The following DOCK5 variants were observed in gnomAD, a reference collection of about 807,000 sequenced individuals.
DOCK5 encodes dedicator of cytokinesis protein 5.
In DOCK5, 142 loss-of-function variants were observed where a neutral mutation model predicts 251.8. The observed-to-expected ratio is 0.56, with a 90% CI of 0.49 to 0.65. The LOEUF (loss-of-function observed/expected upper bound fraction) is 0.65. Ranked by LOEUF, DOCK5 falls within the 30% of genes least tolerant of loss-of-function variation. The pLI is 0.00. For missense variants in DOCK5, 2,111 were observed against 2,312.3 expected, an observed-to-expected ratio of 0.91 and a Z score of 1.79; for synonymous variants, 842 against 835.5, an observed-to-expected ratio of 1.01 and a Z score of -0.13.
At chr8:25,331,260 C>G (rs530107050) in intron 18 of DOCK5, among the ~76,000 whole-genome samples, 1 of 151,688 alleles carries the variant, frequency 6.6e-6, no homozygotes, top group Non-Finnish European at 1.5e-5. Flanking sequence ...CACACACACA[C>G]ACACACACAC....
chr8:25,298,801 A>G (rs1804682471), intron 7 of DOCK5, 143 bp from the exon 8 acceptor site: 1 of 932,860 alleles, frequency 1.1e-6, no homozygotes, highest in Admixed American at 3.2e-5. Context: ...CTGGGCCTCT[A>G]GTAGCACTGG....
At position 25,414,077 on chromosome 8, in the gene DOCK5, G is replaced by A. The variant is rs889673118; in HGVS notation, c.*2779G>A. Reference sequence around the variant, plus strand: ...TATCCCTAAAATTGTCACAACTTTTGTGAATACTGGTATACGGTTGGAGGT... The same window carrying A: ...TATCCCTAAAATTGTCACAACTTTTATGAATACTGGTATACGGTTGGAGGT... On this transcript the variant is annotated 3_prime_UTR_variant, in exon 52 of 52. Transcript: ENST00000276440. The A allele has an allele frequency of 2.0e-5, 3 of 152,206 alleles. No individual in the cohort carries two copies. The highest frequency in any genetic ancestry group is 7.2e-5 in the African/African-American group (3 of 41,452). 9.4% of individuals were successfully genotyped at this position (152,206 alleles called of 1,614,324 possible).
intron 1 of DOCK5, among the ~76,000 whole-genome samples, chr8:25,197,389 T>C (rs1305380012): frequency 6.6e-6 from 1 of 152,282 alleles, no homozygotes; most frequent in East Asian, 1.9e-4. Context: ...GTGGGCTTTG[T>C]CTTTCAGAAA....
intron 40 of DOCK5, among the ~76,000 whole-genome samples, chr8:25,387,924 C>T (rs1459916823): frequency 6.6e-6 from 1 of 152,224 alleles, no homozygotes; most frequent in East Asian, 1.9e-4. Context: ...CTGCATCATA[C>T]AACTAGCGTT....
At chr8:25,310,669 G>T in intron 13 of DOCK5, 137 bp downstream of exon 13, 1 of 974,180 alleles carries the variant, frequency 1.0e-6, no homozygotes, top group Non-Finnish European at 1.4e-6. Flanking sequence ...GACACAAACA[G>T]AGACACCTGC....
intron 39 of DOCK5, among the ~76,000 whole-genome samples, chr8:25,381,761 T>C (rs1801071762): frequency 6.6e-6 from 1 of 152,218 alleles, no homozygotes; most frequent in South Asian, 2.1e-4. Flanking sequence ...TGCTAACCAT[T>C]GTAGGGGAGG....
intron 22 of DOCK5, 52 bp downstream of exon 22, chr8:25,336,425 G>A: frequency 1.9e-6 from 3 of 1,598,322 alleles, no homozygotes; most frequent in Non-Finnish European, 2.6e-6. Flanking sequence ...CACTCTGTGT[G>A]CTTTTTCCCT....
At chr8:25,334,321 T>C (rs1175258909) in intron 21 of DOCK5, 125 bp downstream of exon 21, 2 of 757,386 alleles carry the variant, frequency 2.6e-6, no homozygotes, top group Non-Finnish European at 4.5e-6. Flanking sequence ...GGCAGAACTC[T>C]TATTCTAAGC....
chr8:25,228,569 C>T (rs981281546), intron 1 of DOCK5, among the ~76,000 whole-genome samples: 2 of 152,128 alleles, frequency 1.3e-5, no homozygotes, highest in Non-Finnish European at 2.9e-5. Flanking sequence ...GCAGAGTATG[C>T]AGTAATTTCT....
intron 5 of DOCK5, among the ~76,000 whole-genome samples, chr8:25,288,880 G>A (rs1461588435): frequency 6.6e-6 from 1 of 152,198 alleles, no homozygotes; most frequent in Non-Finnish European, 1.5e-5. Flanking sequence ...AGGACTGGGG[G>A]ATGAGGAAGA....
Position 25,300,601 on chromosome 8 carries a change from A to G in DOCK5, c.790A>G (p.Ser264Gly), listed in dbSNP as rs1287502817. 1 of 1,613,460 alleles carries G rather than the reference A, an allele frequency of 6.2e-7. No individual in the cohort carries two copies. The highest frequency in any genetic ancestry group is 1.7e-5 in the Admixed American group (1 of 59,940). ...TGAGAACTATCTAATTCGTTGGGGCAGTAACGGGATGCCCAAGGAAATAGA... is the reference window on the plus strand; with the variant it reads ...TGAGAACTATCTAATTCGTTGGGGCGGTAACGGGATGCCCAAGGAAATAGA... ...ISENYLIRWG[S>G]NGMPKEIEKL... is the part of the protein sequence containing the mutation. The change falls in exon 9 of 52, where the codon AGT (serine) becomes GGT (glycine). Residue 264 changes from serine (S) to glycine (G), a missense_variant. Physicochemically the swap from Ser to Gly is moderately conservative, Grantham distance 56. This residue lies in a region of DOCK5 where 59 missense variants were observed against 95.0 expected (regional missense o/e 0.62). Transcript: ENST00000276440.
chr8:25,407,214 TGTA>T (rs1256811364), intron 48 of DOCK5, among the ~76,000 whole-genome samples: 1 of 152,090 alleles, frequency 6.6e-6, no homozygotes, highest in Non-Finnish European at 1.5e-5. Context: ...ATTTCTAGAA[TGTA>T]GTAATCTAGA....
At chr8:25,197,288 A>T (rs73558416) in intron 1 of DOCK5, among the ~76,000 whole-genome samples, 97 of 152,164 alleles carry the variant, frequency 6.4e-4, no homozygotes, top group African/African-American at 2.3e-3. Context: ...GTGTTTTTCC[A>T]AGTAATGTTT....
rs1805413671 is a variant in DOCK5, at chr8:25,321,095, A to T, written c.1615+43A>T. 2.5e-6 allele frequency: 4 copies of T among 1,573,534 alleles called. No individual in the cohort carries two copies. In the East Asian group the frequency reaches 9.0e-5, roughly 35 times the overall value. On this transcript the variant is annotated intron_variant, in intron 16 of 51. Transcript: ENST00000276440. Reference sequence around the variant, plus strand: ...TATGACATATTTCCACTTAAAAAAAATTTGCTCTGGCTTGACAGCCATCTT... The same window carrying T: ...TATGACATATTTCCACTTAAAAAAATTTTGCTCTGGCTTGACAGCCATCTT...
intron 48 of DOCK5, among the ~76,000 whole-genome samples, chr8:25,405,318 G>T (rs1801504735): frequency 1.3e-5 from 2 of 149,554 alleles, no homozygotes; most frequent in African/African-American, 2.5e-5. Flanking sequence ...AATTTTGTCT[G>T]TAATCCTTTA....
chr8:25,359,881 C>G (rs112710625), intron 28 of DOCK5, among the ~76,000 whole-genome samples: 1 of 152,258 alleles, frequency 6.6e-6, no homozygotes, highest in African/African-American at 2.4e-5. Context: ...CTCATAGTTG[C>G]TGTGAAGCAC....
At chr8:25,242,587 C>T (rs560150262) in intron 1 of DOCK5, among the ~76,000 whole-genome samples, 47 of 152,312 alleles carry the variant, frequency 3.1e-4, no homozygotes, top group Admixed American at 1.2e-3. Flanking sequence ...AACATCTCTT[C>T]GTGTGCCTGT....
At chr8:25,260,552 C>T (rs1193010776) in intron 2 of DOCK5, among the ~76,000 whole-genome samples, 1 of 152,170 alleles carries the variant, frequency 6.6e-6, no homozygotes, top group Non-Finnish European at 1.5e-5. Context: ...GTAATTGCTT[C>T]TGAGTCTTCA....
chr8:25,342,562 A>G (rs1805980643), intron 25 of DOCK5, 55 bp downstream of exon 25: 2 of 1,333,400 alleles, frequency 1.5e-6, no homozygotes, highest in African/African-American at 2.9e-5. Flanking sequence ...AGATTGCACC[A>G]TTGCACTCCA....
Sources: allele counts gnomAD v4.1 joint callset (sites outside exome capture counted in the v4.1 genomes callset), GRCh38; gene constraint gnomAD v4.1.1; regional missense constraint gnomAD v4.1.1; transcripts MANE v1.5; gene names NCBI Gene and HGNC (gene_info 2026-07-23, HGNC 2026-07-21).